Variants in AKAP17A observed in about 807,000 individuals in gnomAD.
AKAP17A encodes A-kinase anchor protein 17A.
In AKAP17A, 15 loss-of-function variants were observed where a neutral mutation model predicts 52.2. That is an observed-to-expected ratio of 0.29 (90% confidence interval 0.19 to 0.44). AKAP17A has a LOEUF of 0.44. Among genes scored for constraint, AKAP17A ranks in the 20% least tolerant of loss-of-function variants. The pLI, the probability that AKAP17A is intolerant of heterozygous loss-of-function variation, is 1.00. For synonymous variants in AKAP17A, 514 were observed against 424.7 expected (o/e 1.21, Z -2.58); for missense variants, 1,060 against 1,007.0 (o/e 1.05, Z -0.71).
rs762194588 is a variant in AKAP17A at position 1,601,072 on chromosome X, C to G, written c.1566C>G (p.Cys522Trp). The G allele has an allele frequency of 6.8e-6, 11 of 1,613,468 alleles. No individual in the cohort carries two copies. Among genetic ancestry groups the G allele is most frequent in the South Asian group, 1.1e-5 (1 of 91,078 alleles). The change falls in exon 5 of 5, where the codon TGC becomes TGG. Residue 522 changes from cysteine (C) to tryptophan (W), a missense_variant. By Grantham distance (215) the Cys-to-Trp change is radical. Around this residue, in one of 2 missense-constraint regions of AKAP17A, gnomAD observed 793 missense variants for 629.9 expected, o/e 1.26. Coordinates refer to ENST00000313871, the MANE Select transcript of AKAP17A (RefSeq NM_005088.3). ...VNGSVAEEAP[C>W]KEVQSSCRVV... ...GGAGCGTGGCCGAGGAGGCCCCATG[C>G]AAGGAGGTTCAGAGCTCCTGTCGTG...
chrX:1,596,725 C>T (rs1933007570), intron 3 of AKAP17A, among the ~76,000 whole-genome samples: 1 of 72,092 alleles, frequency 1.4e-5, no homozygotes, highest in Non-Finnish European at 2.7e-5. Flanking sequence ...CCTCCTCCTC[C>T]TTCTCCGTCC....
intron 3 of AKAP17A, among the ~76,000 whole-genome samples, chrX:1,598,732 G>C (rs1476207586): frequency 2.0e-5 from 3 of 152,182 alleles, no homozygotes; most frequent in Non-Finnish European, 4.4e-5. Flanking sequence ...CCCCGTGCCA[G>C]TGCTGTGTGG....
intron 4 of AKAP17A, chrX:1,600,051 T>C: frequency 2.5e-6 from 2 of 810,356 alleles, no homozygotes; most frequent in South Asian, 2.8e-5. Flanking sequence ...AGGACAGACG[T>C]CCCCGGCACG....
At position 1,594,231 on chromosome X, in the gene AKAP17A, C is replaced by G. The variant is rs765227964; in HGVS notation, c.762+7C>G. On this transcript the variant is annotated splice_region_variant and intron_variant, in intron 2 of 4. Coordinates refer to ENST00000313871, the MANE Select transcript of AKAP17A (RefSeq NM_005088.3). ...CGTGGCCTGCAACATCAAGGTGAGT[C>G]CTGGGCACCGAGAGAGCCACGCGCT... The G allele has an allele frequency of 9.2e-6, 14 of 1,514,224 alleles. No homozygotes were observed. Among genetic ancestry groups the G allele is most frequent in the Non-Finnish European group, 1.1e-5 (12 of 1,132,222 alleles). The allele number at this position is 1,514,224 out of a possible 1,614,324, so 93.8% of individuals were successfully genotyped here. A position where few individuals can be genotyped will look rare whatever the true frequency, so the allele number is the denominator to read the frequency against.
chrX:1,599,232 A>G lies in AKAP17A; in HGVS notation c.952A>G (p.Arg318Gly), dbSNP rs1300790362. The change falls in exon 4 of 5, where the codon AGA (arginine) becomes GGA (glycine). Residue 318 changes from arginine (R) to glycine (G), a missense_variant. Physicochemically the swap from Arg to Gly is moderately radical, Grantham distance 125 (BLOSUM62 -2). This residue lies in a region of AKAP17A where 793 missense variants were observed against 629.9 expected (regional missense o/e 1.26). Transcript: ENST00000313871. ...GGAAGAGCTGGAGCGAGAGAGGAAAAGAGAAGAGAAGCTTCGCAAGAGGGA... is the reference window on the plus strand; with the variant it reads ...GGAAGAGCTGGAGCGAGAGAGGAAAGGAGAAGAGAAGCTTCGCAAGAGGGA... ...ELEELERERK[R>G]EEKLRKREQK... is the part of the protein sequence containing the mutation. 2.5e-6 allele frequency: 4 copies of G among 1,612,540 alleles called. No individual in the cohort carries two copies. The highest frequency in any genetic ancestry group is 3.4e-6 in the Non-Finnish European group (4 of 1,179,826).
chrX:1,597,109 C>G (rs1280731160), intron 3 of AKAP17A, among the ~76,000 whole-genome samples: 3 of 152,192 alleles, frequency 2.0e-5, no homozygotes, highest in Admixed American at 1.3e-4. Context: ...CCATTTCTCA[C>G]TGCTTTATGT....
chrX:1,592,222 G>A (rs1390449008), intron 1 of AKAP17A, among the ~76,000 whole-genome samples: 1 of 151,858 alleles, frequency 6.6e-6, no homozygotes, highest in Non-Finnish European at 1.5e-5. Context: ...TGGGGTATTG[G>A]GGCTCATCCA....
chrX:1,601,538 A>G lies in AKAP17A; in HGVS notation c.2032A>G (p.Ser678Gly). The G allele has an allele frequency of 6.7e-7, 1 of 1,483,236 alleles. No homozygotes were observed. The highest frequency in any genetic ancestry group is 8.9e-7 in the Non-Finnish European group (1 of 1,126,784). 91.9% of individuals were successfully genotyped at this position (1,483,236 alleles called of 1,614,324 possible). The change falls in exon 5 of 5, where the codon AGC (serine) becomes GGC (glycine). Residue 678 changes from serine to glycine, a missense_variant. Physicochemically the swap from Ser to Gly is moderately conservative, Grantham distance 56. This residue lies in a region of AKAP17A where 793 missense variants were observed against 629.9 expected (regional missense o/e 1.26). Transcript: ENST00000313871. ...GAAGCACAGCCGCCACCGCCGCCGA[A>G]GCGAGCGGTCGCGCTCCCGGTCCCC... is the stretch of plus-strand genomic sequence containing the variant. The part of the protein sequence containing the change: ...SRKHSRHRRR[S>G]ERSRSRSPSR...
intron 1 of AKAP17A, among the ~76,000 whole-genome samples, chrX:1,592,858 C>T (rs1603459988): frequency 6.6e-6 from 1 of 152,148 alleles, no homozygotes; most frequent in South Asian, 2.1e-4. Context: ...TACTTTTTGG[C>T]TTTGAGTGGG....
chrX:1,595,532 G>A lies in AKAP17A; in HGVS notation c.911G>A (p.Arg304Lys). 6.2e-7 allele frequency: 1 copy of A among 1,613,792 alleles called. No homozygotes were observed. Among genetic ancestry groups the A allele is most frequent in the Non-Finnish European group, 8.5e-7 (1 of 1,179,870 alleles). The change falls in exon 3 of 5, where the codon AGG becomes AAG. Residue 304 changes from arginine (R) to lysine (K), a missense_variant and splice_region_variant. This residue lies in a region of AKAP17A where 793 missense variants were observed against 629.9 expected (regional missense o/e 1.26). Transcript: ENST00000313871. ...GAGGAGAGGCAGCGAGCGGAGGAAA[G>A]GTACCTTCTGCGGGAGCGGGCCCTC... Reference protein sequence around the residue: ...EAEERQRAEERKQKELEELER... With the variant: ...EAEERQRAEEKKQKELEELER...
Position 1,600,875 on chromosome X carries a change from G to C in AKAP17A, c.1369G>C (p.Gly457Arg). 1 of 1,586,662 alleles carries C rather than the reference G, an allele frequency of 6.3e-7. No homozygotes were observed. Among genetic ancestry groups the C allele is most frequent in the Non-Finnish European group, 8.5e-7 (1 of 1,170,702 alleles). ...PDDSHTHDEL[G>R]VAHADLLQPV... ...CGACAGCCACACACACGACGAGCTGGGCGTGGCACACGCCGACCTGCTGCA... is the reference window on the plus strand; with the variant it reads ...CGACAGCCACACACACGACGAGCTGCGCGTGGCACACGCCGACCTGCTGCA... The change falls in exon 5 of 5, where the codon GGC becomes CGC. Residue 457 changes from glycine (G) to arginine (R), a missense_variant. Gly to Arg is a moderately radical substitution (Grantham distance 125). Around this residue, in one of 2 missense-constraint regions of AKAP17A, gnomAD observed 793 missense variants for 629.9 expected, o/e 1.26. Transcript: ENST00000313871.
At position 1,602,396 on chromosome X, in the gene AKAP17A, TTTGC is replaced by T. The variant is rs1933438504; in HGVS notation, c.*805_*808del. The T allele has an allele frequency of 6.6e-6, 1 of 152,226 alleles. No homozygotes were observed. The highest frequency in any genetic ancestry group is 1.9e-4 in the East Asian group (1 of 5,206). 9.4% of individuals were successfully genotyped at this position (152,226 alleles called of 1,614,324 possible). A position where few individuals can be genotyped will look rare whatever the true frequency, so the allele number is the denominator to read the frequency against. On this transcript the variant is annotated 3_prime_UTR_variant, in exon 5 of 5. Coordinates refer to ENST00000313871, the MANE Select transcript of AKAP17A (RefSeq NM_005088.3). Reference sequence around the variant, plus strand: ...AGGCTGCAAACTTGTTTTATAATCGTTTGCTTCTCCAAGTGAAGCTCAGAAATAC... The same window carrying T: ...AGGCTGCAAACTTGTTTTATAATCGTTTCTCCAAGTGAAGCTCAGAAATAC...
intron 2 of AKAP17A, among the ~76,000 whole-genome samples, chrX:1,594,997 T>C (rs1318209785): frequency 1.3e-5 from 2 of 152,158 alleles, no homozygotes. Flanking sequence ...CCTTAAGATG[T>C]GCCCTGTGGG....
At chrX:1,599,028 T>C (rs1265118841) in intron 3 of AKAP17A, among the ~76,000 whole-genome samples, 164 bp from the exon 4 acceptor site, 1 of 152,006 alleles carries the variant, frequency 6.6e-6, no homozygotes, top group Non-Finnish European at 1.5e-5. Flanking sequence ...TCCTTCCACC[T>C]CTCGGGCTGC....
chrX:1,599,857 T>C, intron 4 of AKAP17A: 3 of 590,428 alleles, frequency 5.1e-6, no homozygotes, highest in Non-Finnish European at 9.1e-6. Flanking sequence ...GGGGGAGGGC[T>C]GAGCGCACAG....
At chrX:1,592,158 G>A (rs1270583183) in intron 1 of AKAP17A, among the ~76,000 whole-genome samples, 1 of 151,838 alleles carries the variant, frequency 6.6e-6, no homozygotes, top group African/African-American at 2.4e-5. Context: ...GGTCTACAGT[G>A]GGAAGCAAGG....
Position 1,593,455 on chromosome X carries a change from C to T in AKAP17A, c.-8C>T, listed in dbSNP as rs757849180. 3.1e-6 allele frequency: 5 copies of T among 1,610,328 alleles called. No individual in the cohort carries two copies. The highest frequency in any genetic ancestry group is 2.2e-5 in the South Asian group (2 of 90,918). ...GTCTTATGTTTCAGGCCCAAGGTCC[C>T]GGAGGCTATGGCAGCGGCTACCATC... On this transcript the variant is annotated 5_prime_UTR_variant, in exon 2 of 5. Transcript: ENST00000313871.
At chrX:1,597,772 C>T in intron 3 of AKAP17A, among the ~76,000 whole-genome samples, 1 of 147,930 alleles carries the variant, frequency 6.8e-6, no homozygotes, top group Middle Eastern at 3.2e-3. Flanking sequence ...TGGAGTGTGT[C>T]TCTGCAGGGA....
At position 1,599,216 on chromosome X, in the gene AKAP17A, G is replaced by A. The variant is rs1933206345; in HGVS notation, c.936G>A (p.Leu312=). 3 of 1,612,184 alleles carry A rather than the reference G, an allele frequency of 1.9e-6. No individual in the cohort carries two copies. The highest frequency in any genetic ancestry group is 2.5e-6 in the Non-Finnish European group (3 of 1,179,830). The stretch of plus-strand genomic sequence containing the variant: ...GGAAACAAAAGGAGCTGGAAGAGCT[G>A]GAGCGAGAGAGGAAAAGAGAAGAGA... ...EERKQKELEE[L]ERERKREEKL... Residue 312 remains leucine (L), a synonymous_variant, in exon 4 of 5, where the codon CTG becomes CTA. Transcript: ENST00000313871.
Sources: gnomAD v4.1 joint callset for allele counts (sites outside exome capture counted in the v4.1 genomes callset) on GRCh38, gnomAD v4.1.1 for gene constraint, gnomAD v4.1.1 regional missense constraint, MANE v1.5 for transcripts, NCBI Gene and HGNC (gene_info 2026-07-23, HGNC 2026-07-21) for gene names.